Variants in FRMPD1 observed in about 807,000 individuals in gnomAD.
The protein encoded by FRMPD1 is FERM and PDZ domain-containing protein 1.
FRMPD1 carries 76 observed loss-of-function variants against 117.8 expected under a neutral mutation model. The observed-to-expected ratio is 0.65, with a 90% CI of 0.54 to 0.78. FRMPD1 has a LOEUF of 0.78. Ranked by LOEUF, FRMPD1 falls within the 30% of genes least tolerant of loss-of-function variation. The probability of loss-of-function intolerance (pLI) is 0.00; values close to 1 mark genes in which losing one functional copy is unlikely to be tolerated. For missense variants in FRMPD1, 1,786 were observed against 1,964.5 expected (o/e 0.91, Z 1.72); for synonymous variants, 783 against 770.4 (o/e 1.02, Z -0.27).
At chr9:37,693,400 C>T (rs1217624892) in intron 2 of FRMPD1, 3 of 152,252 alleles carry the variant, frequency 2.0e-5, no homozygotes, top group African/African-American at 4.8e-5. Context: ...TGAAATATCA[C>T]GTGTCAGGTG....
chr9:37,675,446 G>T (rs7023496), intron 1 of FRMPD1, among the ~76,000 whole-genome samples: 2 of 150,510 alleles, frequency 1.3e-5, no homozygotes, highest in Non-Finnish European at 2.9e-5. Flanking sequence ...ACAAATCATG[G>T]TGGCCTGAAT....
At chr9:37,708,573 G>T (rs1055005522) in intron 4 of FRMPD1, 72 bp downstream of exon 4, 2 of 918,356 alleles carry the variant, frequency 2.2e-6, no homozygotes, top group South Asian at 2.7e-5. Context: ...AACAGGAATG[G>T]CATAACTGAT....
chr9:37,653,122 T>A (rs930802021), intron 1 of FRMPD1, among the ~76,000 whole-genome samples: 1 of 152,180 alleles, frequency 6.6e-6, no homozygotes, highest in Non-Finnish European at 1.5e-5. Flanking sequence ...GAAGAGGCTC[T>A]GGAGGCTCTG....
intron 9 of FRMPD1, 31 bp from the exon 10 acceptor site, chr9:37,732,272 GT>G: frequency 6.2e-7 from 1 of 1,610,138 alleles, no homozygotes. Flanking sequence ...GTCTGCTTTT[GT>G]TTCCCATCTG....
chr9:37,686,201 C>T (rs2117977769), intron 1 of FRMPD1, among the ~76,000 whole-genome samples: 1 of 152,276 alleles, frequency 6.6e-6, no homozygotes, highest in African/African-American at 2.4e-5. Context: ...GCAAAGGAGA[C>T]TGAAAGGCTG....
rs551468496 is a variant in FRMPD1 at position 37,745,543 on chromosome 9, G to C, written c.3511G>C (p.Glu1171Gln). The C allele has an allele frequency of 1.9e-6, 3 of 1,613,968 alleles. No individual in the cohort carries two copies. Among genetic ancestry groups the C allele is most frequent in the East Asian group, 2.2e-5 (1 of 44,886 alleles). ...LSLDAPVTGT[E>Q]QIPPHPPRDP... is the part of the protein sequence containing the mutation. ...TTTAGATGCTCCTGTAACAGGGACCGAGCAGATCCCACCACATCCCCCTAG... is the reference window on the plus strand; with the variant it reads ...TTTAGATGCTCCTGTAACAGGGACCCAGCAGATCCCACCACATCCCCCTAG... Residue 1171 changes from glutamate to glutamine, a missense_variant, in exon 16 of 16, where the codon GAG becomes CAG. Transcript: ENST00000377765.
chr9:37,731,732 C>T (rs1432243318), intron 9 of FRMPD1, among the ~76,000 whole-genome samples: 1 of 152,034 alleles, frequency 6.6e-6, no homozygotes, highest in African/African-American at 2.4e-5. Context: ...AATTAGCCAG[C>T]CGTGGTGGCA....
At chr9:37,651,510 C>G (rs1229688090) in intron 1 of FRMPD1, among the ~76,000 whole-genome samples, 3 of 152,218 alleles carry the variant, frequency 2.0e-5, no homozygotes, top group Non-Finnish European at 4.4e-5. Flanking sequence ...AGCTGCAGTG[C>G]CAATGCCTGT....
chr9:37,746,466 A>T lies in FRMPD1; in HGVS notation c.4434A>T (p.Arg1478Ser), dbSNP rs773939270. The change falls in exon 16 of 16, where the codon AGA becomes AGT. Residue 1478 changes from arginine (R) to serine (S), a missense_variant. Coordinates refer to ENST00000377765, the MANE Select transcript of FRMPD1 (RefSeq NM_014907.3). Reference protein sequence around the residue: ...KLLSSCRHVIRMDQSPEEMQG... With the variant: ...KLLSSCRHVISMDQSPEEMQG... ...TGTCGAGCTGTCGGCATGTGATCAG[A>T]ATGGACCAGTCCCCCGAAGAGATGC... 5 of 1,613,742 alleles carry T rather than the reference A, an allele frequency of 3.1e-6. No homozygotes were observed. The East Asian group carries it at 1.1e-4, about 36-fold the overall frequency.
At chr9:37,656,639 A>C (rs10973458) in intron 1 of FRMPD1, among the ~76,000 whole-genome samples, 7,842 of 152,256 alleles carry the variant, frequency 0.052, 230 homozygotes, top group Non-Finnish European at 0.059. Context: ...CTAACAGTGG[A>C]TTAAATTTGT....
chr9:37,613,975 G>A, the FRMPD1 span, among the ~76,000 whole-genome samples: 809 of 152,346 alleles, frequency 5.3e-3, 6 homozygotes, highest in African/African-American at 0.019. Flanking sequence ...TCAAATGACT[G>A]AATAAATAAA....
chr9:37,611,657 G>A, the FRMPD1 span, among the ~76,000 whole-genome samples: 54,187 of 151,998 alleles, frequency 0.36, 10,074 homozygotes, highest in African/African-American at 0.46. Flanking sequence ...ATGTGTAACA[G>A]AAAGATATTT....
At position 37,740,810 on chromosome 9, in the gene FRMPD1, C is replaced by A. The variant is rs756111034; in HGVS notation, c.2282C>A (p.Ala761Asp). ...LEPLALHPPL[A>D]FEDGSSDEEY... ...CCCCTGGCCCTGCACCCACCACTGG[C>A]CTTTGAGGATGGCAGCTCAGATGAG... The change falls in exon 15 of 16, where the codon GCC (alanine) becomes GAC (aspartate). Residue 761 changes from alanine (A) to aspartate (D), a missense_variant. Ala to Asp is a moderately radical substitution (Grantham distance 126). Coordinates refer to ENST00000377765, the MANE Select transcript of FRMPD1 (RefSeq NM_014907.3). The surrounding 1 kb of genome is among the most constrained non-coding windows in gnomAD (Gnocchi z 4.2). The A allele has an allele frequency of 3.7e-6, 6 of 1,614,000 alleles. No individual in the cohort carries two copies. In the African/African-American group the frequency reaches 8.0e-5, roughly 22 times the overall value.
At chr9:37,651,275 T>C (rs1820665125) in intron 1 of FRMPD1, among the ~76,000 whole-genome samples, 181 bp downstream of exon 1, 1 of 152,048 alleles carries the variant, frequency 6.6e-6, no homozygotes, top group Non-Finnish European at 1.5e-5. Flanking sequence ...GTGGGCTAGC[T>C]CAGGACCTGC....
At chr9:37,721,851 T>C (rs570724480) in intron 6 of FRMPD1, among the ~76,000 whole-genome samples, 2 of 152,336 alleles carry the variant, frequency 1.3e-5, no homozygotes, top group African/African-American at 4.8e-5. Context: ...AAAAATTGTA[T>C]ATGAAATGCA....
In FRMPD1 at chr9:37,711,364, C is replaced by G; in HGVS notation, c.377C>G (p.Ser126Cys). 2 of 1,609,374 alleles carry G rather than the reference C, an allele frequency of 1.2e-6. No homozygotes were observed. Among genetic ancestry groups the G allele is most frequent in the African/African-American group, 1.3e-5 (1 of 74,960 alleles). The change falls in exon 5 of 16, where the codon TCT becomes TGT. Residue 126 changes from serine to cysteine, a missense_variant. Physicochemically the swap from Ser to Cys is moderately radical, Grantham distance 112. Transcript: ENST00000377765. ...AVDILREAED[S>C]LSITVVRCTS... ...TCTTTTTTCAGGGAAGCAGAAGATT[C>G]TCTTTCAATCACAGTTGTTCGCTGC...
intron 1 of FRMPD1, among the ~76,000 whole-genome samples, chr9:37,689,937 A>G (rs1204012453): frequency 2.6e-5 from 4 of 151,940 alleles, no homozygotes; most frequent in African/African-American, 9.7e-5. Flanking sequence ...AGTTTAGAAG[A>G]TATTTTCTGT....
the FRMPD1 span, among the ~76,000 whole-genome samples, chr9:37,628,731 G>A: frequency 2.6e-5 from 4 of 152,316 alleles, no homozygotes; most frequent in Non-Finnish European, 5.9e-5. Flanking sequence ...AAGGGACTTA[G>A]GCCTGACTTG....
Position 37,661,033 on chromosome 9 carries a change from T to C in FRMPD1, c.-5+9939T>C, listed in dbSNP as rs188248304. ...CTCCATCTTATATTCTCTCCTGGAG[T>C]TGGTTTGCTATATCAGCCAAGTTAG... On this transcript the variant is annotated intron_variant, in intron 1 of 15. Coordinates refer to ENST00000377765, the MANE Select transcript of FRMPD1 (RefSeq NM_014907.3). 3.7e-4 allele frequency among the ~76,000 whole-genome samples: 57 copies of C among 152,162 alleles called. 1 individual carries two copies. The highest frequency in any genetic ancestry group is 7.2e-4 in the Admixed American group (11 of 15,292).
Sources: gnomAD v4.1 joint callset for allele counts (sites outside exome capture counted in the v4.1 genomes callset) on GRCh38, gnomAD v4.1.1 for gene constraint, Gnocchi (gnomAD v3.1) non-coding constraint, MANE v1.5 for transcripts, NCBI Gene and HGNC (gene_info 2026-07-23, HGNC 2026-07-21) for gene names.